The following VWA8 variants were observed in gnomAD, a reference collection of about 807,000 sequenced individuals.
VWA8 encodes von Willebrand factor A domain containing 8.
Under a neutral mutation model 241.5 loss-of-function variants are expected in VWA8, and 221 were observed. The ratio of observed to expected loss-of-function variants is 0.91; its 90% CI spans 0.82 to 1.02. The LOEUF is 1.02. Among genes scored for constraint, VWA8 ranks in the 50% least tolerant of loss-of-function variants. The pLI is 0.00. For synonymous variants in VWA8, 852 were observed against 827.1 expected (o/e 1.03, Z -0.52); for missense variants, 2,322 against 2,328.7 (o/e 1.00, Z 0.06).
chr13:41,700,594 G>GTTTTCTCT (rs1418990041), intron 28 of VWA8, among the ~76,000 whole-genome samples: 1 of 152,090 alleles, frequency 6.6e-6, no homozygotes, highest in Non-Finnish European at 1.5e-5. Flanking sequence ...CTCTTTAACT[G>GTTTTCTCT]TTTTCTCTTT....
At chr13:41,857,647 T>C (rs1379024777) in intron 12 of VWA8, among the ~76,000 whole-genome samples, 2 of 152,176 alleles carry the variant, frequency 1.3e-5, no homozygotes, top group African/African-American at 4.8e-5. Flanking sequence ...ATACTTATGA[T>C]CCTCTTATAG....
intron 37 of VWA8, among the ~76,000 whole-genome samples, chr13:41,638,651 G>A (rs1288320359): frequency 1.3e-5 from 2 of 152,160 alleles, no homozygotes; most frequent in Non-Finnish European, 2.9e-5. Context: ...ACTTCAGCAG[G>A]AACAATTTTG....
intron 17 of VWA8, among the ~76,000 whole-genome samples, chr13:41,792,887 A>G (rs1023963863): frequency 2.6e-5 from 4 of 152,074 alleles, no homozygotes; most frequent in Non-Finnish European, 5.9e-5. Flanking sequence ...GGAGTATAGG[A>G]AATGTCATTG....
rs535632885 is a variant in VWA8, at chr13:41,810,263, G to A, written c.2063+962C>T. On this transcript the variant is annotated intron_variant, in intron 17 of 44. Coordinates refer to ENST00000379310, the MANE Select transcript of VWA8 (RefSeq NM_015058.2). ...CACACCAATCCTAGGTATAGGCTAGGTATATGCCCGGTATATGCCCAACAG... is the reference window on the plus strand; with the variant it reads ...CACACCAATCCTAGGTATAGGCTAGATATATGCCCGGTATATGCCCAACAG... Among the ~76,000 whole-genome samples, 21 of 152,198 alleles carry A rather than the reference G, an allele frequency of 1.4e-4. No homozygotes were observed. The South Asian group carries it at 4.1e-3, about 30-fold the overall frequency.
intron 37 of VWA8, among the ~76,000 whole-genome samples, chr13:41,621,318 A>G (rs112537565): frequency 3.9e-5 from 6 of 152,316 alleles, no homozygotes; most frequent in African/African-American, 1.4e-4. Context: ...AGTTTGGTAG[A>G]TCTGGTGTAT....
chr13:41,706,644 G>A (rs147805456), intron 26 of VWA8, among the ~76,000 whole-genome samples: 11 of 152,234 alleles, frequency 7.2e-5, no homozygotes, highest in South Asian at 2.1e-4. Context: ...ATTATATTTC[G>A]GTAAATGAGC....
At chr13:41,902,384 C>A (rs1352810844) in intron 4 of VWA8, among the ~76,000 whole-genome samples, 1 of 152,144 alleles carries the variant, frequency 6.6e-6, no homozygotes, top group Non-Finnish European at 1.5e-5. Context: ...AGAAAATATT[C>A]ATGCTGCTCG....
Position 41,721,490 on chromosome 13 carries a change from A to C in VWA8, c.2844T>G (p.Pro948=). ...CCACAAGCTTCTGAAGGATGGGCTC[A>C]GGCACATTTGGTCCATACTGTCTGA... ...EMLRQYGPNV[P]EPILQKLVAA... is the part of the protein sequence containing the mutation. The change falls in exon 25 of 45, where the codon CCT becomes CCG. Residue 948 remains proline (P), a synonymous_variant. Transcript: ENST00000379310. 6.2e-7 allele frequency: 1 copy of C among 1,613,936 alleles called. No individual in the cohort carries two copies. The highest frequency in any genetic ancestry group is 2.2e-5 in the East Asian group (1 of 44,880).
At chr13:41,675,650 C>T (rs1196278491) in intron 35 of VWA8, among the ~76,000 whole-genome samples, 1 of 152,040 alleles carries the variant, frequency 6.6e-6, no homozygotes, top group African/African-American at 2.4e-5. Flanking sequence ...GTGGTGGAAT[C>T]GGCACACTCT....
rs925894327 is a variant in VWA8, at chr13:41,618,955, G to A, written c.4612-3871C>T. 1.2e-4 allele frequency among the ~76,000 whole-genome samples: 19 copies of A among 152,248 alleles called. No homozygotes were observed. In the East Asian group the frequency reaches 3.3e-3, roughly 26 times the overall value. On this transcript the variant is annotated intron_variant, in intron 37 of 44. Transcript: ENST00000379310. Reference sequence around the variant, plus strand: ...TTGCTTAGCATTGTCTTGGCAATGTGGGCTCTTTTTTGTTTCCATATGAAC... The same window carrying A: ...TTGCTTAGCATTGTCTTGGCAATGTAGGCTCTTTTTTGTTTCCATATGAAC...
At position 41,724,343 on chromosome 13, in the gene VWA8, A is replaced by G. The variant is rs139395870; in HGVS notation, c.2759-2768T>C. 6.1e-4 allele frequency among the ~76,000 whole-genome samples: 93 copies of G among 152,238 alleles called. 1 individual carries two copies. The highest frequency in any genetic ancestry group is 4.3e-4 in the Non-Finnish European group (29 of 67,990). On this transcript the variant is annotated intron_variant, in intron 24 of 44. Coordinates refer to ENST00000379310, the MANE Select transcript of VWA8 (RefSeq NM_015058.2). ...AAGGAGAAGAAAAAAGTAGCAATAG[A>G]TCGCAAAAAGAGTAAGATTAAGAGG...
chr13:41,626,115 G>A (rs2044689260), intron 37 of VWA8, among the ~76,000 whole-genome samples: 1 of 149,298 alleles, frequency 6.7e-6, no homozygotes, highest in Non-Finnish European at 1.5e-5. Context: ...ATAGCATTAG[G>A]AGATATACCT....
chr13:41,697,612 T>C (rs2045223403), intron 29 of VWA8, among the ~76,000 whole-genome samples: 1 of 152,208 alleles, frequency 6.6e-6, no homozygotes. Context: ...GCGCACAACC[T>C]AGATCCCTTG....
chr13:41,595,942 G>A, intron 40 of VWA8, among the ~76,000 whole-genome samples: 1 of 152,086 alleles, frequency 6.6e-6, no homozygotes, highest in Non-Finnish European at 1.5e-5. Flanking sequence ...ATTCCTGTGA[G>A]CGGAGTATAA....
At chr13:41,729,441 T>C (rs1161964915) in intron 23 of VWA8, 101 bp downstream of exon 23, 18 of 1,192,698 alleles carry the variant, frequency 1.5e-5, no homozygotes, top group Non-Finnish European at 1.8e-5. Flanking sequence ...ATTGAACTTA[T>C]GCTTATTATT....
chr13:41,766,954 G>C (rs1344550704), intron 20 of VWA8, among the ~76,000 whole-genome samples: 1 of 152,122 alleles, frequency 6.6e-6, no homozygotes, highest in African/African-American at 2.4e-5. Context: ...AGGTTCAGAA[G>C]GGAGAACAGT....
chr13:41,897,884 T>C (rs1475599870), intron 4 of VWA8, among the ~76,000 whole-genome samples: 1 of 152,102 alleles, frequency 6.6e-6, no homozygotes, highest in Non-Finnish European at 1.5e-5. Context: ...GCTTTTATTC[T>C]GCTAGCTGGC....
chr13:41,861,830 T>C (rs371429155), intron 12 of VWA8, among the ~76,000 whole-genome samples: 5 of 152,188 alleles, frequency 3.3e-5, no homozygotes, highest in African/African-American at 1.2e-4. Flanking sequence ...AAAAACATGC[T>C]GTGCTCCTAA....
At chr13:41,865,550 TAG>T in intron 12 of VWA8, 184 bp downstream of exon 12, 1 of 604,086 alleles carries the variant, frequency 1.7e-6, no homozygotes, top group Non-Finnish European at 2.8e-6. Context: ...TCAGATATCC[TAG>T]AATGTACTTT....
Sources: allele counts gnomAD v4.1 joint callset (sites outside exome capture counted in the v4.1 genomes callset), GRCh38; gene constraint gnomAD v4.1.1; transcripts MANE v1.5; gene names NCBI Gene and HGNC (gene_info 2026-07-23, HGNC 2026-07-21).